The following NFE2L3 variants were observed in gnomAD, a reference collection of about 807,000 sequenced individuals.
NFE2L3 encodes nuclear factor erythroid 2-related factor 3.
NFE2L3 carries 18 observed loss-of-function variants against 23.5 expected under a neutral mutation model. The ratio of observed to expected loss-of-function variants is 0.77; its 90% CI spans 0.53 to 1.13. The LOEUF (loss-of-function observed/expected upper bound fraction) is 1.13, where lower values mean the gene tolerates loss of function less well. NFE2L3 is among the 50% of genes most tolerant of loss of function. The probability of loss-of-function intolerance (pLI) is 0.00; values close to 1 mark genes in which losing one functional copy is unlikely to be tolerated. For synonymous variants in NFE2L3, 424 were observed against 354.5 expected (o/e 1.20, Z -2.20); for missense variants, 1,152 against 877.2 (o/e 1.31, Z -3.96).
intron 1 of NFE2L3, among the ~76,000 whole-genome samples, chr7:26,155,746 A>G (rs1473568585): frequency 6.6e-6 from 1 of 152,202 alleles, no homozygotes; most frequent in South Asian, 2.1e-4. Flanking sequence ...AATGGGCTGG[A>G]AAAACAACAC....
chr7:26,166,848 T>G lies in NFE2L3; in HGVS notation c.571-11095T>G, dbSNP rs140600163. Reference sequence around the variant, plus strand: ...TCTCCCTCTGACGTCATCCTTCTCATAGGCACCACACTGTTCTTTGTCTTT... The same window carrying G: ...TCTCCCTCTGACGTCATCCTTCTCAGAGGCACCACACTGTTCTTTGTCTTT... On this transcript the variant is annotated intron_variant, in intron 1 of 3. Coordinates refer to ENST00000056233, the MANE Select transcript of NFE2L3 (RefSeq NM_004289.7). Among the ~76,000 whole-genome samples the G allele has an allele frequency of 1.4e-3, 218 of 152,328 alleles. 1 individual carries two copies. Among genetic ancestry groups the G allele is most frequent in the African/African-American group, 5.1e-3 (212 of 41,576 alleles).
chr7:26,184,719 C>G lies in NFE2L3; in HGVS notation c.1021C>G (p.Pro341Ala), dbSNP rs755604801. ...AGCAAGGACTTCACAGTCACAAGAA[C>G]CATTTCTGCAGTTAAATTCTCATAC... ...PTARTSQSQE[P>A]FLQLNSHTTN... Residue 341 changes from proline to alanine, a missense_variant, in exon 4 of 4, where the codon CCA (proline) becomes GCA (alanine). By Grantham distance (27) the Pro-to-Ala change is conservative. Transcript: ENST00000056233. 6.8e-6 allele frequency: 11 copies of G among 1,613,890 alleles called. No homozygotes were observed. The highest frequency in any genetic ancestry group is 8.5e-6 in the Non-Finnish European group (10 of 1,179,842).
intron 1 of NFE2L3, among the ~76,000 whole-genome samples, chr7:26,170,582 C>T (rs986129711): frequency 6.6e-6 from 1 of 152,128 alleles, no homozygotes; most frequent in African/African-American, 2.4e-5. Flanking sequence ...TGGTATATCC[C>T]ATGAAATAAG....
chr7:26,179,667 C>T (rs566784536), intron 2 of NFE2L3, among the ~76,000 whole-genome samples: 3 of 152,126 alleles, frequency 2.0e-5, no homozygotes, highest in East Asian at 1.9e-4. Context: ...CATCATGCCA[C>T]TGCACTTCAG....
At chr7:26,175,324 C>T (rs1277873886) in intron 1 of NFE2L3, among the ~76,000 whole-genome samples, 9 of 152,012 alleles carry the variant, frequency 5.9e-5, no homozygotes, top group East Asian at 3.9e-4. Flanking sequence ...CTCGCCACTG[C>T]GCTCCACCCT....
At chr7:26,159,842 G>GT (rs1784140821) in intron 1 of NFE2L3, among the ~76,000 whole-genome samples, 1 of 151,794 alleles carries the variant, frequency 6.6e-6, no homozygotes, top group Non-Finnish European at 1.5e-5. Context: ...TAAGCACTGA[G>GT]TAAACCATAC....
intron 1 of NFE2L3, among the ~76,000 whole-genome samples, chr7:26,155,600 G>A (rs1447138484): frequency 6.6e-6 from 1 of 152,118 alleles, no homozygotes; most frequent in East Asian, 1.9e-4. Flanking sequence ...CAAGCTCTTG[G>A]GACATCTAGG....
At position 26,184,866 on chromosome 7, in the gene NFE2L3, G is replaced by A; in HGVS notation, c.1168G>A (p.Asp390Asn). Residue 390 changes from aspartate (D) to asparagine (N), a missense_variant, in exon 4 of 4, where the codon GAT (aspartate) becomes AAT (asparagine). Transcript: ENST00000056233. ...LLYDLDINIFDEINLMSLATE... is the reference protein window; with the variant it reads ...LLYDLDINIFNEINLMSLATE... ...GTATGACCTTGACATAAATATATTTGATGAGATAAACTTAATGTCATTGGC... is the reference window on the plus strand; with the variant it reads ...GTATGACCTTGACATAAATATATTTAATGAGATAAACTTAATGTCATTGGC... The A allele has an allele frequency of 6.2e-7, 1 of 1,613,882 alleles. No individual in the cohort carries two copies. Among genetic ancestry groups the A allele is most frequent in the Non-Finnish European group, 8.5e-7 (1 of 1,179,810 alleles).
At position 26,185,380 on chromosome 7, in the gene NFE2L3, C is replaced by T. The variant is rs749861506; in HGVS notation, c.1682C>T (p.Ser561Phe). The T allele has an allele frequency of 6.6e-5, 107 of 1,614,074 alleles. No homozygotes were observed. Among genetic ancestry groups the T allele is most frequent in the Non-Finnish European group, 1.2e-5 (14 of 1,179,980 alleles). The change falls in exon 4 of 4, where the codon TCT (serine) becomes TTT (phenylalanine). Residue 561 changes from serine (S) to phenylalanine (F), a missense_variant. Transcript: ENST00000056233. ...VDEIVGMPVD[S>F]FNSMLSRYYL... ...GAAATTGTCGGCATGCCTGTTGATT[C>T]TTTCAATAGCATGTTAAGTAGATAT... is the stretch of plus-strand genomic sequence containing the variant.
Position 26,186,243 on chromosome 7 carries a change from AC to A in NFE2L3, c.*461del, listed in dbSNP as rs1782483822. 6.6e-6 allele frequency: 1 copy of A among 151,956 alleles called. No individual in the cohort carries two copies. The highest frequency in any genetic ancestry group is 2.1e-4 in the South Asian group (1 of 4,822). 9.4% of individuals were successfully genotyped at this position (151,956 alleles called of 1,614,324 possible). A position where few individuals can be genotyped will look rare whatever the true frequency, so the allele number is the denominator to read the frequency against. On this transcript the variant is annotated 3_prime_UTR_variant, in exon 4 of 4. Coordinates refer to ENST00000056233, the MANE Select transcript of NFE2L3 (RefSeq NM_004289.7). The stretch of plus-strand genomic sequence containing the variant: ...AACACTATTTTAATCTTTATATTTA[AC>A]TTATAAATTTTGCTTTCTATGGAAA...
chr7:26,162,058 G>A (rs199501904), intron 1 of NFE2L3, among the ~76,000 whole-genome samples: 1 of 151,388 alleles, frequency 6.6e-6, no homozygotes, highest in Non-Finnish European at 1.5e-5. Flanking sequence ...CACGAGAATC[G>A]CTTGAACCCG....
At chr7:26,153,115 G>C (rs2128096692) in intron 1 of NFE2L3, 47 bp downstream of exon 1, 1 of 1,482,250 alleles carries the variant, frequency 6.7e-7, no homozygotes, top group African/African-American at 1.4e-5. Context: ...CTACGCCGCC[G>C]GGAGCCCCCG....
At chr7:26,177,389 G>A (rs1237925732) in intron 1 of NFE2L3, among the ~76,000 whole-genome samples, 1 of 152,228 alleles carries the variant, frequency 6.6e-6, no homozygotes, top group East Asian at 1.9e-4. Flanking sequence ...TCGAGGTCAG[G>A]AGCTGGAGAC....
intron 3 of NFE2L3, chr7:26,184,031 T>C (rs1471858499): frequency 4.0e-6 from 2 of 498,708 alleles, no homozygotes; most frequent in East Asian, 3.4e-5. Context: ...CTAAAAGAAT[T>C]ATCAGGTATT....
chr7:26,185,596 TAATG>T lies in NFE2L3; in HGVS notation c.1901_1904del (p.Met634AsnfsTer15). 1 of 1,613,800 alleles carries T rather than the reference TAATG, an allele frequency of 6.2e-7. No individual in the cohort carries two copies. The highest frequency in any genetic ancestry group is 8.5e-7 in the Non-Finnish European group (1 of 1,179,798). ...GCACAATGTAACAAAGCTATTAACA[TAATG>T]AAACAGAAACTGCATGACCTTTATC... On this transcript the variant is annotated frameshift_variant, in exon 4 of 4. Coordinates refer to ENST00000056233, the MANE Select transcript of NFE2L3 (RefSeq NM_004289.7). LOFTEE classifies it high-confidence loss of function.
chr7:26,180,967 T>C (rs1317387347), intron 2 of NFE2L3, among the ~76,000 whole-genome samples: 2 of 148,162 alleles, frequency 1.3e-5, no homozygotes, highest in Non-Finnish European at 3.0e-5. Flanking sequence ...ACTTAACACT[T>C]TTTTTTTTTT....
At chr7:26,168,185 G>A (rs1429538550) in intron 1 of NFE2L3, among the ~76,000 whole-genome samples, 2 of 150,762 alleles carry the variant, frequency 1.3e-5, no homozygotes, top group African/African-American at 4.9e-5. Context: ...CACCCAGACT[G>A]GAGTGCAATG....
intron 2 of NFE2L3, among the ~76,000 whole-genome samples, chr7:26,182,320 G>T (rs1403009891): frequency 2.2e-5 from 3 of 133,744 alleles, no homozygotes; most frequent in African/African-American, 1.1e-4. Flanking sequence ...ATTTAAGCAT[G>T]AAGGCAAAAT....
In NFE2L3 at chr7:26,152,894, C is replaced by G; in HGVS notation, c.396C>G (p.Ala132=). The G allele has an allele frequency of 6.9e-7, 1 of 1,450,880 alleles. No homozygotes were observed. Among genetic ancestry groups the G allele is most frequent in the Non-Finnish European group, 9.0e-7 (1 of 1,112,088 alleles). 89.9% of individuals were successfully genotyped at this position (1,450,880 alleles called of 1,614,324 possible). A position where few individuals can be genotyped will look rare whatever the true frequency, so the allele number is the denominator to read the frequency against. ...CCCACGGGCTGCTCGGCGCCGCCGC[C>G]GCCTCGTCCACCGGAGGAGCCGGCG... ...DEAHGLLGAA[A]ASSTGGAGAS... The change falls in exon 1 of 4, where the codon GCC becomes GCG. Residue 132 remains alanine (A), a synonymous_variant. Coordinates refer to ENST00000056233, the MANE Select transcript of NFE2L3 (RefSeq NM_004289.7). This position sits in a 1 kb window ranked among gnomAD's most constrained non-coding sequence, Gnocchi z 4.4.
Sources: allele counts gnomAD v4.1 joint callset (sites outside exome capture counted in the v4.1 genomes callset), GRCh38; gene constraint gnomAD v4.1.1; non-coding constraint Gnocchi (gnomAD v3.1); transcripts MANE v1.5; gene names NCBI Gene and HGNC (gene_info 2026-07-23, HGNC 2026-07-21).